PDE3A: variants seen among roughly 807,000 people sequenced by gnomAD.
PDE3A encodes cGMP-inhibited 3',5'-cyclic phosphodiesterase 3A.
A neutral mutation model predicts 98.3 loss-of-function variants in PDE3A; 43 were observed. That is an observed-to-expected ratio of 0.44 (90% CI 0.34 to 0.56). The LOEUF (loss-of-function observed/expected upper bound fraction) is 0.56, where lower values mean the gene tolerates loss of function less well. PDE3A is among the 20% of genes least tolerant of loss of function. PDE3A has a pLI of 0.01. For missense variants in PDE3A, 1,427 were observed against 1,440.7 expected (o/e 0.99, Z 0.15); for synonymous variants, 663 against 567.9 (o/e 1.17, Z -2.38).
chr12:20,676,755 T>C (rs183588092), intron 15 of PDE3A, among the ~76,000 whole-genome samples: 3 of 152,272 alleles, frequency 2.0e-5, no homozygotes, highest in African/African-American at 4.8e-5. Context: ...TGTCTTGGCC[T>C]CCGAAAGTGC....
intron 1 of PDE3A, among the ~76,000 whole-genome samples, chr12:20,391,368 CATATAT>C (rs370725569): frequency 2.8e-5 from 4 of 142,498 alleles, no homozygotes; most frequent in Non-Finnish European, 6.1e-5. Flanking sequence ...TATATATTCT[CATATAT>C]ATATATATAT....
chr12:20,591,644 G>A (rs966501522), intron 2 of PDE3A, among the ~76,000 whole-genome samples: 8 of 152,212 alleles, frequency 5.3e-5, no homozygotes, highest in East Asian at 3.9e-4. Context: ...TTTGAGCCCC[G>A]TAAGTCCAGT....
chr12:20,649,777 T>A (rs117727007), intron 13 of PDE3A, among the ~76,000 whole-genome samples: 5,024 of 151,930 alleles, frequency 0.033, 118 homozygotes, highest in Middle Eastern at 0.062. Context: ...AATACAAAAA[T>A]TGGCCAGGTG....
At chr12:20,569,976 T>TA (rs1179131152) in intron 2 of PDE3A, among the ~76,000 whole-genome samples, 1 of 152,166 alleles carries the variant, frequency 6.6e-6, no homozygotes, top group Non-Finnish European at 1.5e-5. Flanking sequence ...TCTGAGTACA[T>TA]AATTTCAAGA....
rs2121116940 is a variant in PDE3A, at chr12:20,511,352, G to T, written c.961-45308G>T. ...GAAAAAGTGGCTTAATCTAGGGCTG[G>T]TTCAGGAATATACGAGAAAAGCTTG... On this transcript the variant is annotated intron_variant, in intron 1 of 15. Coordinates refer to ENST00000359062, the MANE Select transcript of PDE3A (RefSeq NM_000921.5). Among the ~76,000 whole-genome samples, 3 of 151,732 alleles carry T rather than the reference G, an allele frequency of 2.0e-5. No individual in the cohort carries two copies. In the East Asian group the frequency reaches 5.8e-4, roughly 29 times the overall value.
chr12:20,501,618 T>G (rs996824668), intron 1 of PDE3A, among the ~76,000 whole-genome samples: 3 of 152,174 alleles, frequency 2.0e-5, no homozygotes, highest in Admixed American at 6.6e-5. Flanking sequence ...GCTTGTTTGC[T>G]TACCAAATCA....
intron 1 of PDE3A, among the ~76,000 whole-genome samples, chr12:20,467,950 A>T: frequency 9.9e-6 from 1 of 101,260 alleles, no homozygotes; most frequent in Admixed American, 9.3e-5. Flanking sequence ...AAAAAAAAAA[A>T]AAAAAAAAAA....
chr12:20,467,792 G>A (rs1417976511), intron 1 of PDE3A, among the ~76,000 whole-genome samples: 5 of 151,620 alleles, frequency 3.3e-5, no homozygotes, highest in African/African-American at 1.2e-4. Flanking sequence ...AAAAGTAGCT[G>A]GGCATGGTGG....
At chr12:20,454,477 A>T (rs1422696978) in intron 1 of PDE3A, among the ~76,000 whole-genome samples, 1 of 152,090 alleles carries the variant, frequency 6.6e-6, no homozygotes, top group African/African-American at 2.4e-5. Flanking sequence ...TTGTTTGTTT[A>T]TTTATTACCT....
intron 2 of PDE3A, chr12:20,571,877 A>G: frequency 9.7e-7 from 1 of 1,034,346 alleles, no homozygotes; most frequent in Non-Finnish European, 1.2e-6. Flanking sequence ...TGACTCTCCA[A>G]TAGTGATTGC....
At chr12:20,570,568 A>T (rs914808752) in intron 2 of PDE3A, among the ~76,000 whole-genome samples, 5 of 152,138 alleles carry the variant, frequency 3.3e-5, no homozygotes, top group African/African-American at 1.2e-4. Flanking sequence ...AAATTGATTT[A>T]AAAATAAAAT....
Position 20,552,068 on chromosome 12 carries a change from G to A in PDE3A, c.961-4592G>A. The A allele has an allele frequency of 1.2e-6, 2 of 1,612,586 alleles. No individual in the cohort carries two copies. Among genetic ancestry groups the A allele is most frequent in the South Asian group, 2.2e-5 (2 of 91,014 alleles). ...CATGGGAATTTTTTCACATACACGG[G>A]TAGTGGTGGTCGAGAGCTTTCCGGC... On this transcript the variant is annotated intron_variant, in intron 1 of 15. Transcript: ENST00000359062. The surrounding 1 kb of genome is among the most constrained non-coding windows in gnomAD (Gnocchi z 5.1).
At chr12:20,575,314 T>C (rs1942904023) in intron 2 of PDE3A, among the ~76,000 whole-genome samples, 1 of 152,074 alleles carries the variant, frequency 6.6e-6, no homozygotes, top group Non-Finnish European at 1.5e-5. Context: ...ATTTATCTTA[T>C]TTAACTCTTT....
At chr12:20,393,312 G>T (rs755038506) in intron 1 of PDE3A, among the ~76,000 whole-genome samples, 9 of 151,866 alleles carry the variant, frequency 5.9e-5, no homozygotes, top group Non-Finnish European at 1.3e-4. Flanking sequence ...AGCAAAGACA[G>T]AGAGCCAAGA....
At chr12:20,406,724 G>T (rs540957801) in intron 1 of PDE3A, among the ~76,000 whole-genome samples, 1 of 151,884 alleles carries the variant, frequency 6.6e-6, no homozygotes, top group Admixed American at 6.6e-5. Context: ...GAGTCCTACT[G>T]GTTTACTTTT....
chr12:20,466,455 C>A (rs566758089), intron 1 of PDE3A, among the ~76,000 whole-genome samples: 2 of 152,106 alleles, frequency 1.3e-5, no homozygotes, highest in Admixed American at 1.3e-4. Flanking sequence ...ATTCAGTAGA[C>A]CATCTAACAG....
At chr12:20,577,826 CA>C (rs1645991211) in intron 2 of PDE3A, among the ~76,000 whole-genome samples, 2 of 152,070 alleles carry the variant, frequency 1.3e-5, no homozygotes, top group Admixed American at 1.3e-4. Context: ...CGGGACGGGC[CA>C]GGGGAGAAGC....
chr12:20,559,709 A>G (rs1942465785), intron 2 of PDE3A, among the ~76,000 whole-genome samples: 1 of 151,484 alleles, frequency 6.6e-6, no homozygotes, highest in African/African-American at 2.4e-5. Flanking sequence ...GTGAGATAGG[A>G]TTTAGGTGGA....
At chr12:20,637,484 G>A (rs1283301774) in intron 9 of PDE3A, among the ~76,000 whole-genome samples, 1 of 152,056 alleles carries the variant, frequency 6.6e-6, no homozygotes, top group Non-Finnish European at 1.5e-5. Flanking sequence ...TGGGGATAGA[G>A]ATATATAGAC....
Sources: allele counts gnomAD v4.1 joint callset (sites outside exome capture counted in the v4.1 genomes callset), GRCh38; gene constraint gnomAD v4.1.1; non-coding constraint Gnocchi (gnomAD v3.1); transcripts MANE v1.5; gene names NCBI Gene and HGNC (gene_info 2026-07-23, HGNC 2026-07-21).